Variants in ZNF839 observed in about 807,000 individuals in gnomAD.
ZNF839 encodes renal carcinoma antigen NY-REN-50.
Under a neutral mutation model 56.4 loss-of-function variants are expected in ZNF839, and 38 were observed. That is an observed-to-expected ratio of 0.67 (90% CI 0.52 to 0.88). ZNF839 has a LOEUF of 0.88. ZNF839 is among the 40% of genes least tolerant of loss of function. The pLI is 0.00. For missense variants in ZNF839, 1,091 were observed against 1,177.6 expected, an observed-to-expected ratio of 0.93 and a Z score of 1.08; for synonymous variants, 486 against 493.5, an observed-to-expected ratio of 0.98 and a Z score of 0.20.
chr14:102,334,810 G>A (rs2073945078), intron 4 of ZNF839, 164 bp downstream of exon 4: 4 of 289,932 alleles, frequency 1.4e-5, no homozygotes, highest in Non-Finnish European at 2.5e-5. Flanking sequence ...TGGCACCATC[G>A]TAGCTCACTG....
At chr14:102,340,385 C>A (rs1186223272) in intron 7 of ZNF839, among the ~76,000 whole-genome samples, 1 of 151,852 alleles carries the variant, frequency 6.6e-6, no homozygotes, top group Non-Finnish European at 1.5e-5. Flanking sequence ...AATTCTCCTG[C>A]CTCAGCCTCC....
In ZNF839 at chr14:102,326,319, C is replaced by A; in HGVS notation, c.623C>A (p.Pro208His). ...APDEQGSMLT[P>H]LSASDPLAVT... ...GATGAACAGGGCTCCATGTTGACCC[C>A]TTTGTCTGCCTCTGACCCGCTGGCA... The change falls in exon 2 of 8, where the codon CCT (proline) becomes CAT (histidine). Residue 208 changes from proline (P) to histidine (H), a missense_variant. By Grantham distance (77) the Pro-to-His change is moderately conservative. Coordinates refer to ENST00000442396, the MANE Select transcript of ZNF839 (RefSeq NM_018335.6). This position sits in a 1 kb window ranked among gnomAD's most constrained non-coding sequence, Gnocchi z 4.3. 1 of 1,611,224 alleles carries A rather than the reference C, an allele frequency of 6.2e-7. No individual in the cohort carries two copies. The highest frequency in any genetic ancestry group is 2.2e-5 in the East Asian group (1 of 44,774).
intron 5 of ZNF839, among the ~76,000 whole-genome samples, chr14:102,338,568 T>G (rs1162507092): frequency 7.0e-6 from 1 of 142,668 alleles, no homozygotes; most frequent in Admixed American, 7.0e-5. Flanking sequence ...AAAAAAAAGA[T>G]TGGTCTCCTC....
chr14:102,331,992 A>G (rs1052865568), intron 3 of ZNF839, 146 bp downstream of exon 3: 2 of 686,276 alleles, frequency 2.9e-6, no homozygotes, highest in African/African-American at 3.6e-5. Flanking sequence ...TAATATCTGA[A>G]CTAATTCGTA....
At chr14:102,338,446 G>C (rs1411602934) in intron 5 of ZNF839, among the ~76,000 whole-genome samples, 1 of 149,240 alleles carries the variant, frequency 6.7e-6, no homozygotes, top group African/African-American at 2.5e-5. Context: ...GCTGAAGCAG[G>C]AGAATCACTT....
chr14:102,339,323 C>G (rs1886225733), intron 7 of ZNF839, 100 bp downstream of exon 7: 1 of 1,477,144 alleles, frequency 6.8e-7, no homozygotes, highest in African/African-American at 1.4e-5. Context: ...GTTGGGTGAC[C>G]TGTGCTGGAT....
At chr14:102,323,462 G>GT (rs1419465402) in intron 1 of ZNF839, among the ~76,000 whole-genome samples, 5 of 152,312 alleles carry the variant, frequency 3.3e-5, no homozygotes, top group Non-Finnish European at 7.4e-5. Flanking sequence ...TAAGACAGCT[G>GT]TTTCCCTGAC....
chr14:102,338,308 C>T (rs185911600), intron 5 of ZNF839, among the ~76,000 whole-genome samples: 17 of 152,182 alleles, frequency 1.1e-4, no homozygotes, highest in East Asian at 9.7e-4. Context: ...GAGGCTGAGG[C>T]GGGTGGATCA....
At chr14:102,318,400 A>G (rs2072960005), upstream of ZNF839, among the ~76,000 whole-genome samples, 1 of 152,188 alleles carries the variant, frequency 6.6e-6, no homozygotes, top group African/African-American at 2.4e-5. Context: ...GGGAAGGCCG[A>G]GGCGGGCGGA....
chr14:102,341,875 C>CA lies in ZNF839; in HGVS notation c.2481dup (p.His828ThrfsTer7). ...CCCAAGCCAGGGCCTCAGCCTGGCC[C>CA]ACATGGATCACTATTGACTGAAGGG... On this transcript the variant is annotated frameshift_variant, in exon 8 of 8. Coordinates refer to ENST00000442396, the MANE Select transcript of ZNF839 (RefSeq NM_018335.6). LOFTEE classifies it low-confidence loss of function (END_TRUNC). 6.2e-7 allele frequency: 1 copy of CA among 1,614,038 alleles called. No homozygotes were observed. Among genetic ancestry groups the CA allele is most frequent in the Non-Finnish European group, 8.5e-7 (1 of 1,179,904 alleles).
Position 102,319,761 on chromosome 14 carries a change from C to T in ZNF839, c.-5C>T. On this transcript the variant is annotated 5_prime_UTR_variant, in exon 1 of 8. Coordinates refer to ENST00000442396, the MANE Select transcript of ZNF839 (RefSeq NM_018335.6). This position sits in a 1 kb window ranked among gnomAD's most constrained non-coding sequence, Gnocchi z 4.5. ...ACCCGGGTTCGAGTCCCCGCCTCGG[C>T]CGCCATGGCGGATGCGGAGCCGGAG... The T allele has an allele frequency of 8.1e-7, 1 of 1,229,632 alleles. No individual in the cohort carries two copies. Among genetic ancestry groups the T allele is most frequent in the Non-Finnish European group, 1.0e-6 (1 of 986,228 alleles). The allele number at this position is 1,229,632 out of a possible 1,614,324, so 76.2% of individuals were successfully genotyped here.
At chr14:102,339,519 C>T (rs1378148122) in intron 7 of ZNF839, among the ~76,000 whole-genome samples, 2 of 152,028 alleles carry the variant, frequency 1.3e-5, no homozygotes, top group African/African-American at 4.8e-5. Context: ...CCGAGGTGGG[C>T]GGATCACCTG....
Position 102,326,088 on chromosome 14 carries a change from G to A in ZNF839, c.392G>A (p.Ser131Asn), listed in dbSNP as rs1312840803. The A allele has an allele frequency of 8.1e-6, 13 of 1,613,898 alleles. No homozygotes were observed. Among genetic ancestry groups the A allele is most frequent in the Non-Finnish European group, 1.0e-5 (12 of 1,179,840 alleles). ...ATCCAGCCCCAAACTGCAAGAAAGA[G>A]CCAGCTGCCCCGGGGGAATTCCTGC... ...TTIQPQTARK[S>N]QLPRGNSCLV... Residue 131 changes from serine to asparagine, a missense_variant, in exon 2 of 8, where the codon AGC (serine) becomes AAC (asparagine). Coordinates refer to ENST00000442396, the MANE Select transcript of ZNF839 (RefSeq NM_018335.6). The surrounding 1 kb of genome is among the most constrained non-coding windows in gnomAD (Gnocchi z 4.3).
Position 102,331,687 on chromosome 14 carries a change from AT to A in ZNF839, c.1258del (p.Ser420GlnfsTer75). 6.2e-7 allele frequency: 1 copy of A among 1,612,334 alleles called. No individual in the cohort carries two copies. The highest frequency in any genetic ancestry group is 2.2e-5 in the East Asian group (1 of 44,850). On this transcript the variant is annotated frameshift_variant, in exon 3 of 8. Transcript: ENST00000442396. LOFTEE classifies it high-confidence loss of function. ...AACCAGAAAATGGAGCTCTTTTGCG[AT>A]CAGAGAGATACCAAGGACCTAGAAG... ...SEPENGALLR[S>X]ERYQGPRRRA...
rs537608945 is a variant in ZNF839, at chr14:102,324,744, A to T, written c.289-1241A>T. Among the ~76,000 whole-genome samples, 15 of 151,984 alleles carry T rather than the reference A, an allele frequency of 9.9e-5. No homozygotes were observed. The South Asian group carries it at 1.2e-3, about 13-fold the overall frequency. The stretch of plus-strand genomic sequence containing the variant: ...TGAGGCAGGTGGATCGCCAGAGGTC[A>T]GGATTTCGAGACCAGCCTGAATGGT... On this transcript the variant is annotated intron_variant, in intron 1 of 7. Transcript: ENST00000442396.
At chr14:102,336,599 G>GT (rs750774468) in intron 5 of ZNF839, 19,214 of 342,570 alleles carry the variant, frequency 0.056, 1 homozygote, top group South Asian at 0.089. Flanking sequence ...CCGGTCCCCA[G>GT]TTTTTTTTTT....
At chr14:102,340,574 C>T (rs1025955287) in intron 7 of ZNF839, among the ~76,000 whole-genome samples, 11 of 152,094 alleles carry the variant, frequency 7.2e-5, no homozygotes, top group Non-Finnish European at 1.5e-4. Flanking sequence ...CGTGCCCAGC[C>T]TGATGGTGAT....
upstream of ZNF839, among the ~76,000 whole-genome samples, chr14:102,318,568 G>A (rs567898904): frequency 6.6e-6 from 1 of 152,012 alleles, no homozygotes; most frequent in African/African-American, 2.4e-5. Flanking sequence ...AGGCGATGGA[G>A]GTTGCGGTGA....
intron 2 of ZNF839, among the ~76,000 whole-genome samples, chr14:102,327,486 G>A (rs1214397583): frequency 6.6e-6 from 1 of 152,134 alleles, no homozygotes; most frequent in East Asian, 1.9e-4. Context: ...CTCACTCACT[G>A]TCATGCTAAA....
Sources: gnomAD v4.1 joint callset for allele counts (sites outside exome capture counted in the v4.1 genomes callset) on GRCh38, gnomAD v4.1.1 for gene constraint, Gnocchi (gnomAD v3.1) non-coding constraint, MANE v1.5 for transcripts, NCBI Gene and HGNC (gene_info 2026-07-23, HGNC 2026-07-21) for gene names.